TOX: variants seen among roughly 807,000 people sequenced by gnomAD.
TOX encodes thymocyte selection-associated high mobility group box protein TOX.
TOX carries 11 observed loss-of-function variants against 53.7 expected under a neutral mutation model. The observed-to-expected ratio is 0.20, with a 90% CI of 0.13 to 0.34. The LOEUF (loss-of-function observed/expected upper bound fraction) is 0.34, where lower values mean the gene tolerates loss of function less well. Among genes scored for constraint, TOX ranks in the 10% least tolerant of loss-of-function variants. The pLI is 1.00. For missense variants in TOX, 570 were observed against 664.6 expected (o/e 0.86, Z 1.56); for synonymous variants, 225 against 245.3 (o/e 0.92, Z 0.77).
At chr8:59,078,524 A>G (rs1200441293) in intron 1 of TOX, among the ~76,000 whole-genome samples, 4 of 152,184 alleles carry the variant, frequency 2.6e-5, no homozygotes, top group African/African-American at 9.7e-5. Context: ...TTTGGCTTCC[A>G]CCATGATTGT....
intron 3 of TOX, among the ~76,000 whole-genome samples, chr8:58,911,252 G>C (rs752772808): frequency 8.5e-5 from 13 of 152,096 alleles, no homozygotes; most frequent in African/African-American, 1.2e-4. Context: ...CTCTCAGTTT[G>C]GGACGAGTGT....
At chr8:58,993,998 T>C (rs1460028930) in intron 1 of TOX, among the ~76,000 whole-genome samples, 2 of 152,100 alleles carry the variant, frequency 1.3e-5, no homozygotes, top group Non-Finnish European at 2.9e-5. Flanking sequence ...ACACAGTCTA[T>C]TTTCACCTAG....
At chr8:59,101,754 C>G (rs1395010210) in intron 1 of TOX, among the ~76,000 whole-genome samples, 1 of 152,120 alleles carries the variant, frequency 6.6e-6, no homozygotes, top group Admixed American at 6.5e-5. Context: ...CAGATTAAGG[C>G]TAAAATGAGG....
At chr8:59,079,353 G>A (rs1268661558) in intron 1 of TOX, among the ~76,000 whole-genome samples, 1 of 152,180 alleles carries the variant, frequency 6.6e-6, no homozygotes, top group Non-Finnish European at 1.5e-5. Context: ...GACCTTCCCA[G>A]CAGCCCCTCC....
intron 3 of TOX, among the ~76,000 whole-genome samples, chr8:58,894,993 G>A (rs903468973): frequency 1.3e-5 from 2 of 152,070 alleles, no homozygotes; most frequent in Non-Finnish European, 2.9e-5. Context: ...TTTGAGACCA[G>A]CCTGGCCAAT....
chr8:58,955,783 G>A (rs2129178058), intron 2 of TOX, among the ~76,000 whole-genome samples: 2 of 147,440 alleles, frequency 1.4e-5, no homozygotes, highest in South Asian at 4.3e-4. Flanking sequence ...CACCTTGGCT[G>A]GAGTGCAGTG....
chr8:58,964,864 G>GGTGTGTGTGT (rs34469462), intron 1 of TOX, among the ~76,000 whole-genome samples: 1 of 148,142 alleles, frequency 6.8e-6, no homozygotes, highest in Non-Finnish European at 1.5e-5. Context: ...ATTTGTAGCT[G>GGTGTGTGTGT]GTGTGTGTGT....
At chr8:59,054,566 ATTGT>A (rs1278002623) in intron 1 of TOX, among the ~76,000 whole-genome samples, 1 of 152,176 alleles carries the variant, frequency 6.6e-6, no homozygotes, top group African/African-American at 2.4e-5. Flanking sequence ...AGACAAATAT[ATTGT>A]TTTAGAAATA....
intron 1 of TOX, among the ~76,000 whole-genome samples, chr8:59,024,808 C>A (rs57765546): frequency 6.6e-6 from 1 of 151,770 alleles, no homozygotes; most frequent in East Asian, 1.9e-4. Flanking sequence ...TTATCCCATA[C>A]AATTTACAGT....
chr8:59,072,473 C>G (rs1804214066), intron 1 of TOX, among the ~76,000 whole-genome samples: 1 of 152,132 alleles, frequency 6.6e-6, no homozygotes. Context: ...AGGAAACTGC[C>G]TGATGCACAG....
intron 1 of TOX, among the ~76,000 whole-genome samples, chr8:59,072,277 C>G (rs1423548816): frequency 1.3e-5 from 2 of 152,176 alleles, no homozygotes; most frequent in African/African-American, 4.8e-5. Flanking sequence ...TTTCCTTGAC[C>G]ATCAAGGCAT....
At chr8:58,856,234 T>A (rs1810913812) in intron 3 of TOX, among the ~76,000 whole-genome samples, 1 of 152,222 alleles carries the variant, frequency 6.6e-6, no homozygotes, top group African/African-American at 2.4e-5. Flanking sequence ...ACCTTCTTAT[T>A]CTGAATTGCC....
intron 8 of TOX, 88 bp downstream of exon 8, chr8:58,808,030 T>G: frequency 6.6e-7 from 1 of 1,508,258 alleles, no homozygotes; most frequent in Non-Finnish European, 8.9e-7. Flanking sequence ...CCGGATCATG[T>G]TTTTGGAAAC....
intron 1 of TOX, among the ~76,000 whole-genome samples, chr8:59,007,736 AT>A (rs1475551859): frequency 1.3e-5 from 2 of 152,252 alleles, no homozygotes; most frequent in African/African-American, 4.8e-5. Flanking sequence ...ATTATGAATG[AT>A]TCTGTCCATG....
chr8:58,945,971 C>A (rs186308182), intron 2 of TOX, among the ~76,000 whole-genome samples: 1 of 151,996 alleles, frequency 6.6e-6, no homozygotes, highest in African/African-American at 2.4e-5. Flanking sequence ...AAGATATCAT[C>A]TCGTATGTAT....
intron 3 of TOX, among the ~76,000 whole-genome samples, chr8:58,890,977 G>A (rs1303755281): frequency 6.6e-6 from 1 of 152,060 alleles, no homozygotes; most frequent in Admixed American, 6.6e-5. Context: ...TTAGAGATCG[G>A]TATGTTCATT....
chr8:58,898,687 C>T (rs917159816), intron 3 of TOX, among the ~76,000 whole-genome samples: 1 of 152,112 alleles, frequency 6.6e-6, no homozygotes, highest in Non-Finnish European at 1.5e-5. Flanking sequence ...TTCTTCCCAA[C>T]CCAGTTTCTT....
chr8:59,034,688 A>G (rs1228783218), intron 1 of TOX, among the ~76,000 whole-genome samples: 2 of 152,210 alleles, frequency 1.3e-5, no homozygotes, highest in Non-Finnish European at 1.5e-5. Context: ...TCACCTCACC[A>G]GCTCACCATC....
At chr8:59,113,807 T>C (rs1302082516) in intron 1 of TOX, among the ~76,000 whole-genome samples, 1 of 152,178 alleles carries the variant, frequency 6.6e-6, no homozygotes, top group East Asian at 1.9e-4. Flanking sequence ...GACTGAGGGC[T>C]GGCTTTAAAA....
Sources: allele counts gnomAD v4.1 joint callset (sites outside exome capture counted in the v4.1 genomes callset), GRCh38; gene constraint gnomAD v4.1.1; transcripts MANE v1.5; gene names NCBI Gene and HGNC (gene_info 2026-07-23, HGNC 2026-07-21).